The following CAMK4 variants were observed in gnomAD, a reference collection of about 807,000 sequenced individuals.
CAMK4 encodes calcium/calmodulin dependent protein kinase IV.
A neutral mutation model predicts 44.9 loss-of-function variants in CAMK4; 22 were observed. That is an observed-to-expected ratio of 0.49 (90% CI 0.35 to 0.70). The LOEUF (loss-of-function observed/expected upper bound fraction) is 0.70, where lower values mean the gene tolerates loss of function less well. Among genes scored for constraint, CAMK4 ranks in the 30% least tolerant of loss-of-function variants. The pLI is 0.01. For missense variants in CAMK4, 498 were observed against 586.8 expected, an observed-to-expected ratio of 0.85 and a Z score of 1.56; for synonymous variants, 218 against 215.4, an observed-to-expected ratio of 1.01 and a Z score of -0.11.
chr5:111,473,240 C>T, intron 7 of CAMK4, 71 bp from the exon 8 acceptor site: 1 of 981,806 alleles, frequency 1.0e-6, no homozygotes, highest in Non-Finnish European at 1.6e-6. Flanking sequence ...TTATTTCTTT[C>T]CCATTGCTTG....
At chr5:111,465,046 C>T (rs908521395) in intron 7 of CAMK4, among the ~76,000 whole-genome samples, 1 of 152,132 alleles carries the variant, frequency 6.6e-6, no homozygotes, top group Admixed American at 6.5e-5. Context: ...TTGAGCCAGA[C>T]ATCTGTGCCT....
At chr5:111,238,961 G>T (rs1229099128) in intron 1 of CAMK4, among the ~76,000 whole-genome samples, 1 of 151,434 alleles carries the variant, frequency 6.6e-6, no homozygotes, top group African/African-American at 2.4e-5. Context: ...ATCCCACTGT[G>T]CATCCGTACC....
chr5:111,256,164 G>A (rs771116856), intron 1 of CAMK4, among the ~76,000 whole-genome samples: 3 of 152,168 alleles, frequency 2.0e-5, no homozygotes, highest in Non-Finnish European at 4.4e-5. Flanking sequence ...AGGGCCATAT[G>A]TTAGTGAAAA....
chr5:111,329,259 A>T (rs1393473579), intron 1 of CAMK4, among the ~76,000 whole-genome samples: 1 of 151,936 alleles, frequency 6.6e-6, no homozygotes, highest in Non-Finnish European at 1.5e-5. Flanking sequence ...TGAGAAACCC[A>T]CAGCCAATAT....
intron 1 of CAMK4, among the ~76,000 whole-genome samples, chr5:111,273,677 T>TATATA (rs1750613331): frequency 2.4e-5 from 1 of 41,126 alleles, no homozygotes; most frequent in Non-Finnish European, 5.4e-5. Flanking sequence ...AAAAATGCAT[T>TATATA]TATATATATA....
At chr5:111,345,308 T>G (rs1278604702) in intron 2 of CAMK4, among the ~76,000 whole-genome samples, 2 of 151,918 alleles carry the variant, frequency 1.3e-5, no homozygotes, top group Non-Finnish European at 2.9e-5. Flanking sequence ...TATTCTGAAT[T>G]TTCTGTTTGG....
At chr5:111,446,485 G>A (rs1754032250) in intron 5 of CAMK4, among the ~76,000 whole-genome samples, 1 of 152,132 alleles carries the variant, frequency 6.6e-6, no homozygotes, top group African/African-American at 2.4e-5. Context: ...AATTTAAATT[G>A]CATCACATTT....
intron 6 of CAMK4, 86 bp downstream of exon 6, chr5:111,446,862 C>G: frequency 2.5e-6 from 2 of 796,364 alleles, no homozygotes; most frequent in Non-Finnish European, 4.5e-6. Flanking sequence ...ATTGCTCCAT[C>G]CAGTTTTACA....
chr5:111,486,541 AC>A lies in CAMK4; in HGVS notation c.*2076del, dbSNP rs1422980118. On this transcript the variant is annotated 3_prime_UTR_variant, in exon 11 of 11. Transcript: ENST00000282356. ...CACACACACACACACACACACACAC[AC>A]GTGTTGGAAGAGCAAAGAGAGGGAA... The A allele has an allele frequency of 4.4e-5, 6 of 135,518 alleles. No homozygotes were observed. Among genetic ancestry groups the A allele is most frequent in the South Asian group, 2.3e-4 (1 of 4,374 alleles). The allele number at this position is 135,518 out of a possible 1,614,324, so 8.4% of individuals were successfully genotyped here.
chr5:111,345,036 G>A lies in CAMK4; in HGVS notation c.240+934G>A, dbSNP rs1411732187. Among the ~76,000 whole-genome samples, 3 of 151,812 alleles carry A rather than the reference G, an allele frequency of 2.0e-5. No homozygotes were observed. In the East Asian group the frequency reaches 5.9e-4, roughly 30 times the overall value. ...TATGCTGAGAAGTATCATAAATTTTGAAGTCAAATACATTTTTAGGCCAAG... is the reference window on the plus strand; with the variant it reads ...TATGCTGAGAAGTATCATAAATTTTAAAGTCAAATACATTTTTAGGCCAAG... On this transcript the variant is annotated intron_variant, in intron 2 of 10. Coordinates refer to ENST00000282356, the MANE Select transcript of CAMK4 (RefSeq NM_001744.6).
chr5:111,224,189 A>C (rs925396019), upstream of CAMK4: 1 of 259,858 alleles, frequency 3.8e-6, no homozygotes, highest in Non-Finnish European at 7.1e-6. The surrounding 1 kb of genome is among the most constrained non-coding windows in gnomAD (Gnocchi z 5.7). Flanking sequence ...GCGCGGGAGG[A>C]GGGCGGGTGA....
chr5:111,460,121 G>A (rs1754588658), intron 7 of CAMK4, among the ~76,000 whole-genome samples: 1 of 151,870 alleles, frequency 6.6e-6, no homozygotes, highest in South Asian at 2.1e-4. Context: ...CCCACAAAAT[G>A]TTCCACTTTA....
chr5:111,397,894 G>A (rs764822726), intron 5 of CAMK4, among the ~76,000 whole-genome samples: 2 of 151,970 alleles, frequency 1.3e-5, no homozygotes, highest in Non-Finnish European at 2.9e-5. Context: ...TTTTTATGTT[G>A]TTCTACTGAC....
intron 1 of CAMK4, among the ~76,000 whole-genome samples, chr5:111,284,815 G>T (rs1751175442): frequency 6.6e-6 from 1 of 152,158 alleles, no homozygotes; most frequent in Non-Finnish European, 1.5e-5. Flanking sequence ...AGTGTGTAGT[G>T]AGATTTTTAT....
At chr5:111,326,001 A>G (rs548152505) in intron 1 of CAMK4, among the ~76,000 whole-genome samples, 1 of 152,112 alleles carries the variant, frequency 6.6e-6, no homozygotes, top group Non-Finnish European at 1.5e-5. Flanking sequence ...AATGTTTTTT[A>G]AAAAGGTTTA....
At chr5:111,308,580 C>G (rs1466841978) in intron 1 of CAMK4, among the ~76,000 whole-genome samples, 1 of 152,008 alleles carries the variant, frequency 6.6e-6, no homozygotes, top group Admixed American at 6.5e-5. Flanking sequence ...GGAGATCAAT[C>G]CAAAATGACA....
chr5:111,386,663 T>C (rs1751615820), intron 4 of CAMK4, among the ~76,000 whole-genome samples: 2 of 152,234 alleles, frequency 1.3e-5, no homozygotes, highest in Admixed American at 1.3e-4. Flanking sequence ...TTTTTCATCC[T>C]ATAAATTTTA....
chr5:111,330,669 T>G (rs1361053120), intron 1 of CAMK4, among the ~76,000 whole-genome samples: 1 of 151,702 alleles, frequency 6.6e-6, no homozygotes, highest in Non-Finnish European at 1.5e-5. Context: ...TACCATTTTA[T>G]ATAAGGGACT....
At chr5:111,380,778 T>G (rs1393040030) in intron 4 of CAMK4, among the ~76,000 whole-genome samples, 3 of 152,202 alleles carry the variant, frequency 2.0e-5, no homozygotes. Context: ...ATTTGAGACC[T>G]GGAATGCTGT....
Sources: allele counts gnomAD v4.1 joint callset (sites outside exome capture counted in the v4.1 genomes callset), GRCh38; gene constraint gnomAD v4.1.1; non-coding constraint Gnocchi (gnomAD v3.1); transcripts MANE v1.5; gene names NCBI Gene and HGNC (gene_info 2026-07-23, HGNC 2026-07-21).